The following IGSF9B variants were observed in gnomAD, a reference collection of about 807,000 sequenced individuals.
The protein encoded by IGSF9B is immunoglobulin superfamily member 9B.
In IGSF9B, 48 loss-of-function variants were observed where a neutral mutation model predicts 143.7. The observed-to-expected ratio is 0.33, with a 90% CI of 0.26 to 0.42. IGSF9B has a LOEUF of 0.42. Ranked by LOEUF, IGSF9B falls within the 20% of genes least tolerant of loss-of-function variation. IGSF9B has a pLI of 1.00. For synonymous variants in IGSF9B, 903 were observed against 833.1 expected (o/e 1.08, Z -1.44); for missense variants, 1,706 against 1,980.0 (o/e 0.86, Z 2.63).
intron 3 of IGSF9B, among the ~76,000 whole-genome samples, chr11:133,938,759 C>A (rs571677936): frequency 1.3e-5 from 2 of 152,086 alleles, no homozygotes; most frequent in Non-Finnish European, 2.9e-5. Context: ...ACTAGGCTGG[C>A]GCAGGTCAAG....
chr11:133,946,244 G>C lies in IGSF9B; in HGVS notation c.79C>G (p.Arg27Gly), dbSNP rs1483437539. Residue 27 changes from arginine to glycine, a missense_variant, in exon 2 of 20, where the codon CGA becomes GGA. This residue lies in a region of IGSF9B where 171 missense variants were observed against 213.9 expected (regional missense o/e 0.80). Coordinates refer to ENST00000533871, the MANE Select transcript of IGSF9B (RefSeq NM_001277285.4). ...GCCGTCACAAACTCGGGCTCCTCTC[G>C]CAGGCCGTGGGCGCCTGATGGGGAC... ...GLAAEGAHGL[R>G]EEPEFVTARA... 1.2e-6 allele frequency: 2 copies of C among 1,613,376 alleles called. No individual in the cohort carries two copies. The highest frequency in any genetic ancestry group is 1.7e-6 in the Non-Finnish European group (2 of 1,179,748).
chr11:133,947,708 T>TTCTCTCTC (rs112387633), intron 1 of IGSF9B, among the ~76,000 whole-genome samples: 16,578 of 134,750 alleles, frequency 0.12, 1,157 homozygotes, highest in Middle Eastern at 0.15. Context: ...TCTGTGTTTG[T>TTCTCTCTC]TCTCTCTCTC....
At chr11:133,940,335 AC>A (rs1939920518) in intron 3 of IGSF9B, among the ~76,000 whole-genome samples, 1 of 128,346 alleles carries the variant, frequency 7.8e-6, no homozygotes, top group African/African-American at 3.0e-5. Flanking sequence ...TACACCTCGC[AC>A]GTCCTCGCAC....
At chr11:133,912,379 A>G (rs1307410547) in intron 18 of IGSF9B, 1 of 469,372 alleles carries the variant, frequency 2.1e-6, no homozygotes, top group Non-Finnish European at 4.2e-6. Context: ...AATCACCACA[A>G]TCAAGACCTT....
chr11:133,907,759 T>C lies in IGSF9B; in HGVS notation c.*1310A>G, dbSNP rs557399744. 2.0e-5 allele frequency among the ~76,000 whole-genome samples: 3 copies of C among 152,224 alleles called. No homozygotes were observed. In the East Asian group the frequency reaches 5.8e-4, roughly 30 times the overall value. The stretch of plus-strand genomic sequence containing the variant: ...TCATTCCTACGCCTCAGCCACAGAA[T>C]AGAACTGGGCAAAGAGGGCAGGATC... On this transcript the variant is annotated 3_prime_UTR_variant, in exon 20 of 20. Transcript: ENST00000533871.
chr11:133,956,582 C>A, intron 1 of IGSF9B, 109 bp downstream of exon 1: 1 of 712,652 alleles, frequency 1.4e-6, no homozygotes, highest in Non-Finnish European at 2.3e-6. Flanking sequence ...GAAGGCGCGC[C>A]GGGGAGCTGG....
chr11:133,954,199 G>A (rs1295197012), intron 1 of IGSF9B, among the ~76,000 whole-genome samples: 3 of 152,132 alleles, frequency 2.0e-5, no homozygotes, highest in African/African-American at 7.2e-5. Context: ...GCGCCCACCC[G>A]CTCTCTCCAG....
intron 18 of IGSF9B, among the ~76,000 whole-genome samples, chr11:133,917,865 C>T (rs1465198870): frequency 2.6e-5 from 4 of 151,982 alleles, no homozygotes; most frequent in Non-Finnish European, 4.4e-5. Flanking sequence ...AGAGGGGCCC[C>T]AGAGAGGTCC....
At chr11:133,932,989 GCAGA>G (rs770803671) in intron 7 of IGSF9B, among the ~76,000 whole-genome samples, 1 of 91,766 alleles carries the variant, frequency 1.1e-5, no homozygotes, top group Non-Finnish European at 2.2e-5. Flanking sequence ...AGGTGGGAGA[GCAGA>G]CAGACAGACA....
chr11:133,917,461 C>T (rs1939409541), intron 18 of IGSF9B, among the ~76,000 whole-genome samples: 2 of 152,016 alleles, frequency 1.3e-5, no homozygotes, highest in Admixed American at 6.5e-5. Context: ...AGCCTGCCCC[C>T]TCCCCTCGGG....
chr11:133,907,215 A>G lies in IGSF9B; in HGVS notation c.*1854T>C, dbSNP rs973464325. Among the ~76,000 whole-genome samples the G allele has an allele frequency of 5.3e-5, 8 of 152,178 alleles. No homozygotes were observed. The highest frequency in any genetic ancestry group is 1.9e-4 in the African/African-American group (8 of 41,460). ...CTTGCACGGTAAACCTCAAGGGTGG[A>G]GCTGGTCCTCAGCTCCCTGGGTGAA... On this transcript the variant is annotated 3_prime_UTR_variant, in exon 20 of 20. Transcript: ENST00000533871.
In IGSF9B at chr11:133,908,122, T is replaced by C. The variant is rs2121264107; in HGVS notation, c.*947A>G. Among the ~76,000 whole-genome samples, 1 of 152,306 alleles carries C rather than the reference T, an allele frequency of 6.6e-6. No homozygotes were observed. The highest frequency in any genetic ancestry group is 1.9e-4 in the East Asian group (1 of 5,170). ...GACTTTGGCCACAGAGCTCACGGCCTGGCTGGGCGGAAGGGCGCCGACGGA... is the reference window on the plus strand; with the variant it reads ...GACTTTGGCCACAGAGCTCACGGCCCGGCTGGGCGGAAGGGCGCCGACGGA... On this transcript the variant is annotated 3_prime_UTR_variant, in exon 20 of 20. Coordinates refer to ENST00000533871, the MANE Select transcript of IGSF9B (RefSeq NM_001277285.4).
At chr11:133,926,685 CTT>C (rs2121302205) in intron 13 of IGSF9B, among the ~76,000 whole-genome samples, 2 of 152,366 alleles carry the variant, frequency 1.3e-5, no homozygotes, top group East Asian at 3.9e-4. Flanking sequence ...TTCTAAGTGT[CTT>C]TCTTCCACCT....
Position 133,899,079 on chromosome 11 carries a change from A to G in IGSF9B, c.*9990T>C, listed in dbSNP as rs1190989401. On this transcript the variant is annotated 3_prime_UTR_variant, in exon 20 of 20. Transcript: ENST00000533871. ...CCGACTCTTGCTCTATATAGTAGACAGAGGTAGCAAGACAGAAACAACTCC... is the reference window on the plus strand; with the variant it reads ...CCGACTCTTGCTCTATATAGTAGACGGAGGTAGCAAGACAGAAACAACTCC... 6.6e-6 allele frequency: 1 copy of G among 152,294 alleles called. No homozygotes were observed. Among genetic ancestry groups the G allele is most frequent in the East Asian group, 1.9e-4 (1 of 5,198 alleles). The allele number at this position is 152,294 out of a possible 1,614,324, so 9.4% of individuals were successfully genotyped here.
chr11:133,922,686 GC>G lies in IGSF9B; in HGVS notation c.2163del (p.Pro722LeufsTer7). 6.3e-7 allele frequency: 1 copy of G among 1,587,854 alleles called. No individual in the cohort carries two copies. Among genetic ancestry groups the G allele is most frequent in the South Asian group, 1.1e-5 (1 of 87,004 alleles). ...GTAGCTACGATTCCCGCCAGCACAG[GC>G]CGCGCCAGCCCATCCTCGGTCAGGT... is the stretch of plus-strand genomic sequence containing the variant. The part of the protein sequence containing the change: ...QPDLTEDGLA[R>X]PVLAGIVATI... On this transcript the variant is annotated frameshift_variant, in exon 16 of 20. Transcript: ENST00000533871. LOFTEE classifies it high-confidence loss of function.
Position 133,931,604 on chromosome 11 carries a change from G to A in IGSF9B, c.1252-35C>T, listed in dbSNP as rs573099474. On this transcript the variant is annotated intron_variant, in intron 9 of 19. Transcript: ENST00000533871. The surrounding 1 kb of genome is among the most constrained non-coding windows in gnomAD (Gnocchi z 7.7). ...AAAGCACAGGCACCCTCGTGAGGCC[G>A]GGGATCCAGGTGCCCAGCTCATGGA... 4.0e-5 allele frequency: 64 copies of A among 1,609,158 alleles called. No individual in the cohort carries two copies. Among genetic ancestry groups the A allele is most frequent in the African/African-American group, 5.3e-5 (4 of 74,964 alleles).
intron 1 of IGSF9B, among the ~76,000 whole-genome samples, chr11:133,947,208 C>T (rs753229596): frequency 2.6e-5 from 4 of 152,254 alleles, no homozygotes; most frequent in Non-Finnish European, 4.4e-5. Flanking sequence ...CCCCAAGCGC[C>T]GCAGCACCAC....
At chr11:133,950,141 G>A (rs1940131492) in intron 1 of IGSF9B, among the ~76,000 whole-genome samples, 1 of 152,210 alleles carries the variant, frequency 6.6e-6, no homozygotes, top group Non-Finnish European at 1.5e-5. Flanking sequence ...CCCCTGTGCA[G>A]AACCATGAGG....
Position 133,920,751 on chromosome 11 carries a change from G to A in IGSF9B, c.2974C>T (p.Leu992=), listed in dbSNP as rs773607839. The A allele has an allele frequency of 2.5e-6, 4 of 1,612,748 alleles. No individual in the cohort carries two copies. Among genetic ancestry groups the A allele is most frequent in the Non-Finnish European group, 3.4e-6 (4 of 1,179,486 alleles). ...GGCGGGGACGACATGACGGAGCTCA[G>A]GGGGCTGCCCACTTCTGGCACGTAG... is the stretch of plus-strand genomic sequence containing the variant. ...PFYVPEVGSP[L]SSVMSSPPLP... Residue 992 remains leucine, a synonymous_variant, in exon 18 of 20, where the codon CTG becomes TTG. Transcript: ENST00000533871.
Sources: gnomAD v4.1 joint callset for allele counts (sites outside exome capture counted in the v4.1 genomes callset) on GRCh38, gnomAD v4.1.1 for gene constraint, gnomAD v4.1.1 regional missense constraint, Gnocchi (gnomAD v3.1) non-coding constraint, MANE v1.5 for transcripts, NCBI Gene and HGNC (gene_info 2026-07-23, HGNC 2026-07-21) for gene names.